The following CIB4 variants were observed in gnomAD, a reference collection of about 807,000 sequenced individuals.
CIB4 encodes calcium and integrin-binding family member 4.
A neutral mutation model predicts 25.8 loss-of-function variants in CIB4; 25 were observed. That is an observed-to-expected ratio of 0.97 (90% CI 0.71 to 1.35). The LOEUF is 1.35. CIB4 is among the 40% of genes most tolerant of loss of function. The pLI is 0.00. For synonymous variants in CIB4, 75 were observed against 81.4 expected, an observed-to-expected ratio of 0.92 and a Z score of 0.42; for missense variants, 235 against 228.2, an observed-to-expected ratio of 1.03 and a Z score of -0.19.
intron 3 of CIB4, among the ~76,000 whole-genome samples, chr2:26,603,655 T>C (rs958223513): frequency 5.3e-5 from 8 of 152,064 alleles, no homozygotes; most frequent in Admixed American, 4.6e-4. Context: ...AGTAAAAAAT[T>C]ATCCATCATG....
At chr2:26,632,470 G>A (rs1001434418) in intron 2 of CIB4, among the ~76,000 whole-genome samples, 1 of 152,096 alleles carries the variant, frequency 6.6e-6, no homozygotes, top group Non-Finnish European at 1.5e-5. Context: ...AAGGGGCGAG[G>A]GGTAGGCCGG....
chr2:26,589,105 TTCC>T (rs751279789), intron 4 of CIB4, among the ~76,000 whole-genome samples: 4,454 of 96,336 alleles, frequency 0.046, 921 homozygotes, highest in Middle Eastern at 0.094. Context: ...CTTCTTCTTC[TTCC>T]TCTTCTTCTT....
intron 1 of CIB4, 64 bp downstream of exon 1, chr2:26,641,197 A>T (rs1053750402): frequency 1.4e-6 from 2 of 1,395,454 alleles, no homozygotes; most frequent in African/African-American, 2.8e-5. Context: ...GAATTTTCCC[A>T]TTCATTCCAC....
At chr2:26,618,148 C>T (rs1669130696) in intron 3 of CIB4, among the ~76,000 whole-genome samples, 1 of 152,314 alleles carries the variant, frequency 6.6e-6, no homozygotes, top group East Asian at 1.9e-4. Flanking sequence ...CCCTGCCTCC[C>T]TCCACCCCGA....
At chr2:26,583,204 G>A (rs1668385188) in intron 5 of CIB4, among the ~76,000 whole-genome samples, 1 of 152,220 alleles carries the variant, frequency 6.6e-6, no homozygotes, top group Non-Finnish European at 1.5e-5. Flanking sequence ...GCTCTGCACT[G>A]AAGGGGGCCC....
chr2:26,605,275 T>A (rs1442259086), intron 3 of CIB4, among the ~76,000 whole-genome samples: 1 of 152,080 alleles, frequency 6.6e-6, no homozygotes, highest in Non-Finnish European at 1.5e-5. Context: ...TTGAATTTTT[T>A]AAAAAAAGAA....
intron 3 of CIB4, among the ~76,000 whole-genome samples, chr2:26,601,918 A>C (rs1313038319): frequency 6.6e-6 from 1 of 152,248 alleles, no homozygotes; most frequent in Non-Finnish European, 1.5e-5. Flanking sequence ...GTATGAGTCC[A>C]TCCCAGAAAA....
intron 4 of CIB4, among the ~76,000 whole-genome samples, chr2:26,589,042 TTCTTCTTCTTCTTCTTCCTCTTCC>T (rs1558554725): frequency 4.2e-5 from 2 of 47,432 alleles, no homozygotes; most frequent in Admixed American, 2.1e-4. Context: ...CTTCTTCTTC[TTCTTCTTCTTCTTCTTCCTCTTCC>T]TCTTCCTCTT....
chr2:26,609,994 G>C (rs1234618097), intron 3 of CIB4, among the ~76,000 whole-genome samples: 1 of 152,218 alleles, frequency 6.6e-6, no homozygotes. Flanking sequence ...AAACTGCCTA[G>C]AACATTCGCT....
chr2:26,584,108 G>A (rs1050557495), intron 4 of CIB4, among the ~76,000 whole-genome samples: 1 of 152,126 alleles, frequency 6.6e-6, no homozygotes, highest in Admixed American at 6.5e-5. Flanking sequence ...AGTATCGATC[G>A]TGTGTGTACT....
At chr2:26,608,460 G>T (rs1358552052) in intron 3 of CIB4, among the ~76,000 whole-genome samples, 1 of 152,108 alleles carries the variant, frequency 6.6e-6, no homozygotes, top group Non-Finnish European at 1.5e-5. Flanking sequence ...GCACCTCTAG[G>T]CCTAAGGCCC....
chr2:26,620,757 T>C (rs936477763), intron 3 of CIB4, among the ~76,000 whole-genome samples: 6 of 152,102 alleles, frequency 3.9e-5, no homozygotes, highest in Admixed American at 3.9e-4. Context: ...TGACCAGATA[T>C]CTGAGGAAGG....
chr2:26,629,356 C>T (rs1336184855), intron 3 of CIB4, 54 bp downstream of exon 3: 5 of 1,174,850 alleles, frequency 4.3e-6, no homozygotes, highest in African/African-American at 1.5e-5. Context: ...CCCATCAGCC[C>T]ATCAGCAGGT....
chr2:26,594,466 G>A (rs1335565272), intron 4 of CIB4, among the ~76,000 whole-genome samples: 1 of 152,220 alleles, frequency 6.6e-6, no homozygotes. Flanking sequence ...GGAGGAGCTG[G>A]CAGGAAAGGA....
chr2:26,583,929 C>T (rs200151940), intron 4 of CIB4, 31 bp from the exon 5 acceptor site: 364 of 1,416,284 alleles, frequency 2.6e-4, no homozygotes, highest in African/African-American at 1.4e-3. Flanking sequence ...CTGCATTAGA[C>T]GGAGCTGGGG....
At chr2:26,631,317 A>G (rs1458939900) in intron 2 of CIB4, among the ~76,000 whole-genome samples, 1 of 152,156 alleles carries the variant, frequency 6.6e-6, no homozygotes, top group African/African-American at 2.4e-5. Context: ...TCTACAAAAA[A>G]ATTGAAAATT....
At chr2:26,589,535 T>A (rs892632270) in intron 4 of CIB4, among the ~76,000 whole-genome samples, 1 of 152,156 alleles carries the variant, frequency 6.6e-6, no homozygotes, top group Non-Finnish European at 1.5e-5. Context: ...TTGGCCAGGC[T>A]GGTCTCAAAC....
chr2:26,635,222 C>T (rs1462129913), intron 2 of CIB4, among the ~76,000 whole-genome samples: 1 of 152,204 alleles, frequency 6.6e-6, no homozygotes, highest in East Asian at 1.9e-4. Flanking sequence ...AGTGAACAGA[C>T]CTCTTCTTGG....
chr2:26,620,193 G>T (rs535830388), intron 3 of CIB4, among the ~76,000 whole-genome samples: 1 of 147,636 alleles, frequency 6.8e-6, no homozygotes, highest in Non-Finnish European at 1.5e-5. Context: ...TACAGACTCC[G>T]CGACTGAGGA....
Sources: allele counts gnomAD v4.1 joint callset (sites outside exome capture counted in the v4.1 genomes callset), GRCh38; gene constraint gnomAD v4.1.1; transcripts MANE v1.5; gene names NCBI Gene and HGNC (gene_info 2026-07-23, HGNC 2026-07-21).